Variants in CSF2RA observed in about 807,000 individuals in gnomAD.
CSF2RA encodes granulocyte-macrophage colony-stimulating factor receptor subunit alpha.
A neutral mutation model predicts 51.6 loss-of-function variants in CSF2RA; 42 were observed. The observed-to-expected ratio is 0.81, with a 90% CI of 0.64 to 1.05. The LOEUF (loss-of-function observed/expected upper bound fraction) is 1.05. Ranked by LOEUF, CSF2RA falls within the 50% of genes least tolerant of loss-of-function variation. CSF2RA has a pLI of 0.00. For synonymous variants in CSF2RA, 222 were observed against 193.0 expected, an observed-to-expected ratio of 1.15 and a Z score of -1.24; for missense variants, 530 against 501.1, an observed-to-expected ratio of 1.06 and a Z score of -0.55.
chrX:1,288,159 G>A lies in CSF2RA; in HGVS notation c.220-360G>A, dbSNP rs764159903. Among the ~76,000 whole-genome samples the A allele has an allele frequency of 3.9e-5, 6 of 152,140 alleles. No individual in the cohort carries two copies. The South Asian group carries it at 1.2e-3, about 32-fold the overall frequency. ...TAGGGGGATGATTTCACAAAGGGAG[G>A]CAGGTGCGTGTCGCCAAATCCAGGT... On this transcript the variant is annotated intron_variant, in intron 4 of 12. Transcript: ENST00000381529.
chrX:1,321,312 A>G, the CSF2RA span, among the ~76,000 whole-genome samples: 167 of 152,072 alleles, frequency 1.1e-3, no homozygotes, highest in South Asian at 2.9e-3. Context: ...CACTAAAAAT[A>G]CAAAAAATTA....
intron 9 of CSF2RA, among the ~76,000 whole-genome samples, chrX:1,300,045 G>A (rs1246898120): frequency 3.8e-4 from 57 of 150,942 alleles, no homozygotes; most frequent in African/African-American, 1.2e-3. Flanking sequence ...GTGAAACCCC[G>A]TCTCCACTAA....
chrX:1,315,227 G>C (rs2084525146), downstream of CSF2RA, among the ~76,000 whole-genome samples: 1 of 151,936 alleles, frequency 6.6e-6, no homozygotes, highest in African/African-American at 2.4e-5. Context: ...TGGTGAAAAT[G>C]GGTCTCAAAA....
At chrX:1,322,565 G>A in the CSF2RA span, among the ~76,000 whole-genome samples, 1 of 150,210 alleles carries the variant, frequency 6.7e-6, no homozygotes, top group East Asian at 2.0e-4. Context: ...TCATTTCATG[G>A]AACTGTTTAG....
At chrX:1,295,481 G>A (rs2091850590) in intron 9 of CSF2RA, 25 bp downstream of exon 9, 1 of 1,613,088 alleles carries the variant, frequency 6.2e-7, no homozygotes, top group Non-Finnish European at 8.5e-7. Context: ...AGACCCTACT[G>A]ACAACCCTCA....
intron 1 of CSF2RA, among the ~76,000 whole-genome samples, chrX:1,273,651 G>A (rs191727922): frequency 6.6e-6 from 1 of 150,394 alleles, no homozygotes; most frequent in African/African-American, 2.4e-5. Context: ...CATAATCTTG[G>A]CTCACTGCAG....
intron 12 of CSF2RA, among the ~76,000 whole-genome samples, chrX:1,307,932 A>T (rs2148704113): frequency 6.7e-6 from 1 of 150,040 alleles, no homozygotes; most frequent in East Asian, 2.0e-4. Flanking sequence ...CCTTCAACTC[A>T]TTAGATGAAG....
At chrX:1,294,210 T>A in intron 7 of CSF2RA, 118 bp from the exon 8 acceptor site, 1 of 1,276,744 alleles carries the variant, frequency 7.8e-7, no homozygotes, top group Non-Finnish European at 1.1e-6. Context: ...AGACAGGACC[T>A]ACTCCACCTC....
the CSF2RA span, among the ~76,000 whole-genome samples, chrX:1,318,883 C>T: frequency 3.4e-5 from 5 of 147,206 alleles, no homozygotes; most frequent in East Asian, 6.4e-4. Context: ...TGCCACTGCA[C>T]TCCAGCCTGG....
chrX:1,324,890 G>C, the CSF2RA span, among the ~76,000 whole-genome samples: 4 of 152,086 alleles, frequency 2.6e-5, no homozygotes, highest in Non-Finnish European at 4.4e-5. Context: ...TGACCTCCTT[G>C]TCAGAGCCCT....
chrX:1,305,345 G>A (rs1286260665), intron 11 of CSF2RA, 101 bp from the exon 12 acceptor site: 18 of 1,303,408 alleles, frequency 1.4e-5, no homozygotes, highest in East Asian at 4.6e-5. Context: ...ATAGTTGAGC[G>A]CAGACACCCC....
chrX:1,282,461 T>A, intron 2 of CSF2RA: 1 of 612,718 alleles, frequency 1.6e-6, no homozygotes, highest in South Asian at 1.9e-5. Flanking sequence ...AGATTGACCA[T>A]CTTGAGATGC....
downstream of CSF2RA, among the ~76,000 whole-genome samples, chrX:1,314,485 C>T (rs774137871): frequency 0.018 from 2,605 of 141,866 alleles, 99 homozygotes; most frequent in Non-Finnish European, 0.03. Context: ...TGCACCTACC[C>T]AACCCCACTG....
the CSF2RA span, among the ~76,000 whole-genome samples, chrX:1,316,035 G>C: frequency 1.8e-5 from 2 of 110,708 alleles, no homozygotes; most frequent in Admixed American, 1.8e-4. Context: ...TACATAGATA[G>C]ACCAATAGAC....
At chrX:1,314,546 C>T (rs1342552272), downstream of CSF2RA, among the ~76,000 whole-genome samples, 6 of 107,822 alleles carry the variant, frequency 5.6e-5, no homozygotes, top group African/African-American at 1.5e-4. Context: ...CCTGCCCAAT[C>T]CCACTGCACC....
intron 1 of CSF2RA, among the ~76,000 whole-genome samples, chrX:1,274,491 A>ATT (rs2088880863): frequency 1.3e-5 from 2 of 150,620 alleles, no homozygotes; most frequent in South Asian, 2.1e-4. Flanking sequence ...CGCCCAGCTA[A>ATT]TTTTTGTATT....
rs1481203365 is a variant in CSF2RA, at chrX:1,287,830, G to A, written c.220-689G>A. Among the ~76,000 whole-genome samples, 5 of 139,270 alleles carry A rather than the reference G, an allele frequency of 3.6e-5. 1 individual carries two copies. In the South Asian group the frequency reaches 1.2e-3, roughly 32 times the overall value. The allele number at this position is 139,270 out of a possible 152,430, so 91.4% of individuals were successfully genotyped here. ...CAGCTCACTGCAACCTGTGCCTCCT[G>A]GGTTCAAGAGAGTCTCCTGCCTCAG... is the stretch of plus-strand genomic sequence containing the variant. On this transcript the variant is annotated intron_variant, in intron 4 of 12. Coordinates refer to ENST00000381529, the MANE Select transcript of CSF2RA (RefSeq NM_172245.4).
chrX:1,306,093 G>T (rs1471561864), intron 12 of CSF2RA, among the ~76,000 whole-genome samples: 1 of 151,122 alleles, frequency 6.6e-6, no homozygotes, highest in East Asian at 1.9e-4. Context: ...AAAGAAAAAA[G>T]AAGGTAGAGA....
At chrX:1,290,986 A>G (rs1256014293) in intron 7 of CSF2RA, among the ~76,000 whole-genome samples, 17 of 151,872 alleles carry the variant, frequency 1.1e-4, no homozygotes, top group African/African-American at 3.1e-4. Context: ...CAGTGGTGCA[A>G]TCTCAGCTCA....
Sources: gnomAD v4.1 joint callset for allele counts (sites outside exome capture counted in the v4.1 genomes callset) on GRCh38, gnomAD v4.1.1 for gene constraint, MANE v1.5 for transcripts, NCBI Gene and HGNC (gene_info 2026-07-23, HGNC 2026-07-21) for gene names.